The following SH3BP5 variants were observed in gnomAD, a reference collection of about 807,000 sequenced individuals.
The protein encoded by SH3BP5 is SH3 domain-binding protein 5.
Under a neutral mutation model 43.3 loss-of-function variants are expected in SH3BP5, and 22 were observed. The observed-to-expected ratio is 0.51, with a 90% CI of 0.36 to 0.73. The LOEUF (loss-of-function observed/expected upper bound fraction) is 0.73, where lower values mean the gene tolerates loss of function less well. Ranked by LOEUF, SH3BP5 falls within the 30% of genes least tolerant of loss-of-function variation. The pLI is 0.00. For missense variants in SH3BP5, 529 were observed against 586.9 expected, an observed-to-expected ratio of 0.90 and a Z score of 1.02; for synonymous variants, 255 against 225.8, an observed-to-expected ratio of 1.13 and a Z score of -1.16.
At chr3:15,257,766 T>C (rs948860916) in intron 7 of SH3BP5, among the ~76,000 whole-genome samples, 5 of 152,260 alleles carry the variant, frequency 3.3e-5, no homozygotes, top group Non-Finnish European at 7.3e-5. Context: ...CAAAGCCTCT[T>C]TGGCCTTTAG....
Position 15,304,142 on chromosome 3 carries a change from G to A in SH3BP5, c.291C>T (p.Asp97=), listed in dbSNP as rs1488959689. ...LVKKIGKAVE[D]SKPYWEARRV... is the part of the protein sequence containing the mutation. ...TCCGTGCCTCCCAGTAGGGCTTGGA[G>A]TCTTCCACAGCTTTGCCAATTTTCT... The change falls in exon 3 of 9, where the codon GAC becomes GAT. Residue 97 remains aspartate (D), a synonymous_variant. Coordinates refer to ENST00000383791, the MANE Select transcript of SH3BP5 (RefSeq NM_004844.5). 6.2e-7 allele frequency: 1 copy of A among 1,614,178 alleles called. No individual in the cohort carries two copies. The highest frequency in any genetic ancestry group is 1.1e-5 in the South Asian group (1 of 91,090).
In SH3BP5 at chr3:15,257,140, A is replaced by G. The variant is rs775835683; in HGVS notation, c.890-27T>C. ...TAAGTTGAGAGAGAACACCAGTCAC[A>G]TGGGTTCTGTCACCTCCTCAAACAC... On this transcript the variant is annotated intron_variant, in intron 7 of 8. Coordinates refer to ENST00000383791, the MANE Select transcript of SH3BP5 (RefSeq NM_004844.5). 2.3e-5 allele frequency: 37 copies of G among 1,605,272 alleles called. No individual in the cohort carries two copies. In the South Asian group the frequency reaches 3.4e-4, roughly 15 times the overall value.
chr3:15,261,518 C>T (rs537381033), intron 5 of SH3BP5, among the ~76,000 whole-genome samples: 4 of 152,284 alleles, frequency 2.6e-5, no homozygotes, highest in African/African-American at 7.2e-5. Flanking sequence ...GCACAGCCTG[C>T]TCTGGGTCTA....
chr3:15,310,764 T>C (rs560420931), intron 2 of SH3BP5, among the ~76,000 whole-genome samples: 3 of 152,272 alleles, frequency 2.0e-5, no homozygotes, highest in African/African-American at 7.2e-5. Context: ...GAAAATTGTG[T>C]TTCATCCATT....
chr3:15,332,420 G>A lies in SH3BP5; in HGVS notation c.-12C>T, dbSNP rs1345566659. The A allele has an allele frequency of 4.6e-6, 7 of 1,530,274 alleles. No homozygotes were observed. Among genetic ancestry groups the A allele is most frequent in the East Asian group, 5.0e-5 (2 of 40,342 alleles). 94.8% of individuals were successfully genotyped at this position (1,530,274 alleles called of 1,614,324 possible). On this transcript the variant is annotated 5_prime_UTR_variant, in exon 1 of 9. Coordinates refer to ENST00000383791, the MANE Select transcript of SH3BP5 (RefSeq NM_004844.5). ...AGTGCCGCGTCCATGCAGGCAGCCG[G>A]CACGCGCGCCGCGCAGTGGGCTCCG...
At chr3:15,276,349 T>C (rs887845372) in intron 3 of SH3BP5, among the ~76,000 whole-genome samples, 3 of 152,128 alleles carry the variant, frequency 2.0e-5, no homozygotes, top group African/African-American at 7.2e-5. Flanking sequence ...GAGCCCAGAA[T>C]AGGTGATGTC....
At chr3:15,262,358 T>A in intron 4 of SH3BP5, 69 bp from the exon 5 acceptor site, 22 of 1,532,912 alleles carry the variant, frequency 1.4e-5, no homozygotes, top group Non-Finnish European at 1.9e-5. Flanking sequence ...TTACTTATAT[T>A]ATTTTTCAAA....
At chr3:15,266,544 C>T (rs904096899) in intron 4 of SH3BP5, among the ~76,000 whole-genome samples, 2 of 152,234 alleles carry the variant, frequency 1.3e-5, no homozygotes, top group Non-Finnish European at 2.9e-5. Context: ...TATCACCTTC[C>T]CATAAAGGCT....
At chr3:15,325,033 TGAG>T (rs747336672) in intron 2 of SH3BP5, among the ~76,000 whole-genome samples, 109 of 151,958 alleles carry the variant, frequency 7.2e-4, no homozygotes, top group Non-Finnish European at 1.5e-3. Context: ...ACCTGAGCAA[TGAG>T]GAAAAGGACG....
intron 2 of SH3BP5, among the ~76,000 whole-genome samples, chr3:15,326,837 G>C (rs1309635285): frequency 1.3e-5 from 2 of 152,238 alleles, no homozygotes; most frequent in African/African-American, 2.4e-5. Flanking sequence ...GCACGAGCAG[G>C]CTGTGATGTG....
intron 1 of SH3BP5, among the ~76,000 whole-genome samples, chr3:15,330,983 G>C (rs1407472531): frequency 6.6e-6 from 1 of 150,584 alleles, no homozygotes; most frequent in Non-Finnish European, 1.5e-5. Flanking sequence ...AATCATCAAG[G>C]GCAGAATTCT....
At chr3:15,315,578 A>G (rs776751478) in intron 2 of SH3BP5, among the ~76,000 whole-genome samples, 9 of 152,156 alleles carry the variant, frequency 5.9e-5, no homozygotes, top group Non-Finnish European at 1.2e-4. Flanking sequence ...CCCTCCTCTG[A>G]GGTTAACAAG....
At chr3:15,280,353 G>A (rs1180185472) in intron 3 of SH3BP5, among the ~76,000 whole-genome samples, 1 of 152,122 alleles carries the variant, frequency 6.6e-6, no homozygotes, top group Non-Finnish European at 1.5e-5. Context: ...AGGGGCCTGA[G>A]CTGGGGGTAG....
At chr3:15,282,933 G>A (rs1218636690) in intron 3 of SH3BP5, among the ~76,000 whole-genome samples, 1 of 152,134 alleles carries the variant, frequency 6.6e-6, no homozygotes, top group Non-Finnish European at 1.5e-5. Context: ...ATAAAAAGTT[G>A]TAAAGAAATA....
intron 2 of SH3BP5, among the ~76,000 whole-genome samples, chr3:15,321,613 G>A (rs1698327400): frequency 6.8e-6 from 1 of 147,088 alleles, no homozygotes; most frequent in Non-Finnish European, 1.5e-5. Flanking sequence ...ACCAAGAAAT[G>A]AAAACTAAAA....
At chr3:15,318,796 T>G (rs1202098057) in intron 2 of SH3BP5, among the ~76,000 whole-genome samples, 1 of 152,216 alleles carries the variant, frequency 6.6e-6, no homozygotes, top group Non-Finnish European at 1.5e-5. Context: ...GGTCCCAAAT[T>G]CGTAGCCTCA....
intron 2 of SH3BP5, among the ~76,000 whole-genome samples, chr3:15,328,162 T>C (rs1698511860): frequency 6.6e-6 from 1 of 152,066 alleles, no homozygotes; most frequent in Non-Finnish European, 1.5e-5. Context: ...ACCCTCCAGT[T>C]CGCCTCTCAC....
chr3:15,323,560 G>A (rs1028133001), intron 2 of SH3BP5, among the ~76,000 whole-genome samples: 4 of 152,172 alleles, frequency 2.6e-5, no homozygotes, highest in African/African-American at 9.7e-5. Context: ...CAGGGATGTA[G>A]GCAAGAATTG....
chr3:15,264,215 G>C (rs1696553695), intron 4 of SH3BP5: 1 of 151,820 alleles, frequency 6.6e-6, no homozygotes, highest in South Asian at 2.1e-4. Flanking sequence ...GGCTATCTCT[G>C]ACTTTGTCTT....
Sources: gnomAD v4.1 joint callset for allele counts (sites outside exome capture counted in the v4.1 genomes callset) on GRCh38, gnomAD v4.1.1 for gene constraint, MANE v1.5 for transcripts, NCBI Gene and HGNC (gene_info 2026-07-23, HGNC 2026-07-21) for gene names.